The following ZNRF2 variants were observed in gnomAD, a reference collection of about 807,000 sequenced individuals.
ZNRF2 encodes the protein E3 ubiquitin-protein ligase ZNRF2.
ZNRF2 carries 16 observed loss-of-function variants against 20.4 expected under a neutral mutation model. The observed-to-expected ratio is 0.79, with a 90% CI of 0.53 to 1.19. ZNRF2 has a LOEUF of 1.19. Ranked by LOEUF, ZNRF2 falls within the 50% of genes most tolerant of loss-of-function variation. ZNRF2 has a pLI of 0.00. For synonymous variants in ZNRF2, 178 were observed against 144.9 expected (o/e 1.23, Z -1.64); for missense variants, 363 against 332.4 (o/e 1.09, Z -0.72).
At chr7:30,326,763 A>G (rs193007803) in intron 2 of ZNRF2, among the ~76,000 whole-genome samples, 4 of 152,182 alleles carry the variant, frequency 2.6e-5, no homozygotes, top group Admixed American at 2.6e-4. Flanking sequence ...ACAGTGTGTT[A>G]AGTGTTCCTT....
At chr7:30,351,808 A>G (rs1234720452) in intron 2 of ZNRF2, among the ~76,000 whole-genome samples, 1 of 152,064 alleles carries the variant, frequency 6.6e-6, no homozygotes, top group African/African-American at 2.4e-5. Context: ...CACATTAAAA[A>G]GTACACGTTT....
At chr7:30,308,815 AT>A (rs1365660686) in intron 1 of ZNRF2, among the ~76,000 whole-genome samples, 4 of 152,080 alleles carry the variant, frequency 2.6e-5, no homozygotes, top group Non-Finnish European at 4.4e-5. Context: ...TTAGAATTGA[AT>A]TTTGGCTTTT....
intron 2 of ZNRF2, among the ~76,000 whole-genome samples, chr7:30,340,859 T>A (rs1414778940): frequency 6.6e-6 from 1 of 152,144 alleles, no homozygotes; most frequent in Non-Finnish European, 1.5e-5. Flanking sequence ...TGGCTGTAAA[T>A]CCTTCTGGTC....
At chr7:30,315,951 C>A (rs1408543605) in intron 1 of ZNRF2, among the ~76,000 whole-genome samples, 2 of 152,046 alleles carry the variant, frequency 1.3e-5, no homozygotes, top group Admixed American at 6.6e-5. Context: ...AAAATTGCTT[C>A]ATTCATGTTC....
At chr7:30,339,681 T>C (rs1799766780) in intron 2 of ZNRF2, among the ~76,000 whole-genome samples, 1 of 152,214 alleles carries the variant, frequency 6.6e-6, no homozygotes, top group Non-Finnish European at 1.5e-5. Flanking sequence ...ATAGTACAGT[T>C]TGAAGTCAGG....
rs1281380957 is a variant in ZNRF2, at chr7:30,285,660, C to T, written c.303C>T (p.Phe101=). ...ASGARAAQSP[F]SIPNSSSGPY... ...GGGCCCGCGCGGCGCAGTCCCCCTTCAGCATCCCGAACAGCAGCAGCGGCC... is the reference window on the plus strand; with the variant it reads ...GGGCCCGCGCGGCGCAGTCCCCCTTTAGCATCCCGAACAGCAGCAGCGGCC... Residue 101 remains phenylalanine, a synonymous_variant, in exon 1 of 5, where the codon TTC becomes TTT. Coordinates refer to ENST00000323037, the MANE Select transcript of ZNRF2 (RefSeq NM_147128.4). 5.0e-6 allele frequency: 7 copies of T among 1,411,068 alleles called. No individual in the cohort carries two copies. The highest frequency in any genetic ancestry group is 1.5e-5 in the South Asian group (1 of 68,892). 87.4% of individuals were successfully genotyped at this position (1,411,068 alleles called of 1,614,324 possible).
At chr7:30,327,044 A>ATATTAAACCTT (rs1329273852) in intron 2 of ZNRF2, among the ~76,000 whole-genome samples, 1 of 152,038 alleles carries the variant, frequency 6.6e-6, no homozygotes, top group Non-Finnish European at 1.5e-5. Context: ...CCTTTGTCAG[A>ATATTAAACCTT]TGCTTCGTTT....
intron 1 of ZNRF2, among the ~76,000 whole-genome samples, chr7:30,298,629 G>A (rs1799057508): frequency 6.6e-6 from 1 of 152,194 alleles, no homozygotes; most frequent in African/African-American, 2.4e-5. Context: ...TCAATATTTA[G>A]TATCAATACA....
At chr7:30,317,809 A>G (rs1336598175) in intron 1 of ZNRF2, among the ~76,000 whole-genome samples, 1 of 152,068 alleles carries the variant, frequency 6.6e-6, no homozygotes, top group Non-Finnish European at 1.5e-5. Flanking sequence ...TAGGTTCCTT[A>G]TGGTTAATAT....
chr7:30,285,660 C>A lies in ZNRF2; in HGVS notation c.303C>A (p.Phe101Leu), dbSNP rs1281380957. The change falls in exon 1 of 5, where the codon TTC becomes TTA. Residue 101 changes from phenylalanine to leucine, a missense_variant. Transcript: ENST00000323037. Reference sequence around the variant, plus strand: ...GGGCCCGCGCGGCGCAGTCCCCCTTCAGCATCCCGAACAGCAGCAGCGGCC... The same window carrying A: ...GGGCCCGCGCGGCGCAGTCCCCCTTAAGCATCCCGAACAGCAGCAGCGGCC... Reference protein sequence around the residue: ...ASGARAAQSPFSIPNSSSGPY... With the variant: ...ASGARAAQSPLSIPNSSSGPY... 5 of 1,411,174 alleles carry A rather than the reference C, an allele frequency of 3.5e-6. No individual in the cohort carries two copies. The highest frequency in any genetic ancestry group is 1.5e-5 in the African/African-American group (1 of 65,998). The allele number at this position is 1,411,174 out of a possible 1,614,324, so 87.4% of individuals were successfully genotyped here.
rs1800227294 is a variant in ZNRF2 at position 30,366,983 on chromosome 7, G to C, written c.*971G>C. The C allele has an allele frequency of 1.3e-5, 2 of 152,472 alleles. No homozygotes were observed. Among genetic ancestry groups the C allele is most frequent in the African/African-American group, 2.4e-5 (1 of 41,422 alleles). 9.4% of individuals were successfully genotyped at this position (152,472 alleles called of 1,614,324 possible). A position where few individuals can be genotyped will look rare whatever the true frequency, so the allele number is the denominator to read the frequency against. ...CACATTTGGGTAAAATGTTTAGCAGGCTGTAAACTTAAGAAAAGGGTAAAA... is the reference window on the plus strand; with the variant it reads ...CACATTTGGGTAAAATGTTTAGCAGCCTGTAAACTTAAGAAAAGGGTAAAA... On this transcript the variant is annotated 3_prime_UTR_variant, in exon 5 of 5. Transcript: ENST00000323037.
At chr7:30,363,506 G>C (rs886700132) in intron 4 of ZNRF2, among the ~76,000 whole-genome samples, 4 of 152,058 alleles carry the variant, frequency 2.6e-5, no homozygotes, top group Non-Finnish European at 5.9e-5. Context: ...TAGCAATTTT[G>C]CTCTTTTTAG....
intron 1 of ZNRF2, among the ~76,000 whole-genome samples, chr7:30,293,431 T>C (rs938329302): frequency 6.6e-6 from 1 of 152,120 alleles, no homozygotes; most frequent in African/African-American, 2.4e-5. Flanking sequence ...GTATTTTTAG[T>C]AGAGACTGGG....
At chr7:30,330,519 C>A (rs1162350431) in intron 2 of ZNRF2, among the ~76,000 whole-genome samples, 1 of 152,098 alleles carries the variant, frequency 6.6e-6, no homozygotes, top group African/African-American at 2.4e-5. Flanking sequence ...CACCTTGATT[C>A]CAGTTTGCAT....
chr7:30,302,364 T>C (rs373004848), intron 1 of ZNRF2, among the ~76,000 whole-genome samples: 75 of 152,310 alleles, frequency 4.9e-4, no homozygotes, highest in Admixed American at 1.6e-3. Context: ...GTTTACTTAT[T>C]CATTTAGTCA....
intron 1 of ZNRF2, among the ~76,000 whole-genome samples, chr7:30,318,537 A>G (rs952324746): frequency 2.1e-4 from 32 of 152,204 alleles, no homozygotes; most frequent in Non-Finnish European, 3.8e-4. Flanking sequence ...CAAAAAACCC[A>G]AAAATCTCAC....
chr7:30,340,093 G>A (rs1021646069), intron 2 of ZNRF2, among the ~76,000 whole-genome samples: 9 of 152,190 alleles, frequency 5.9e-5, no homozygotes, highest in African/African-American at 2.2e-4. Flanking sequence ...TTTGCACATT[G>A]ATTTTGTATC....
chr7:30,350,217 G>GT (rs1009800761), intron 2 of ZNRF2, among the ~76,000 whole-genome samples: 4 of 151,912 alleles, frequency 2.6e-5, no homozygotes, highest in Non-Finnish European at 5.9e-5. Flanking sequence ...TTTTATTTTA[G>GT]TTACATTTTC....
intron 2 of ZNRF2, among the ~76,000 whole-genome samples, chr7:30,326,445 T>C (rs969701585): frequency 6.6e-6 from 1 of 152,228 alleles, no homozygotes; most frequent in Non-Finnish European, 1.5e-5. Context: ...GCTCCATCCA[T>C]GTTTCCACAG....
Sources: gnomAD v4.1 joint callset for allele counts (sites outside exome capture counted in the v4.1 genomes callset) on GRCh38, gnomAD v4.1.1 for gene constraint, MANE v1.5 for transcripts, NCBI Gene and HGNC (gene_info 2026-07-23, HGNC 2026-07-21) for gene names.